Variants in SMARCA5 observed in about 807,000 individuals in gnomAD.
The protein encoded by SMARCA5 is SNF2 related chromatin remodeling ATPase 5, also known as SWI/SNF-related matrix-associated actin-dependent regulator of chromatin subfamily A member 5.
A neutral mutation model predicts 140.4 loss-of-function variants in SMARCA5; 18 were observed. The ratio of observed to expected loss-of-function variants is 0.13; its 90% CI spans 0.09 to 0.19. The LOEUF (loss-of-function observed/expected upper bound fraction) is 0.19. SMARCA5 is among the 10% of genes least tolerant of loss of function. The pLI is 1.00. For missense variants in SMARCA5, 606 were observed against 1,276.8 expected (o/e 0.47, Z 8.01); for synonymous variants, 449 against 419.6 (o/e 1.07, Z -0.86).
chr4:143,525,981 AATTG>A (rs1255269405), intron 5 of SMARCA5, among the ~76,000 whole-genome samples: 6 of 152,208 alleles, frequency 3.9e-5, no homozygotes, highest in Non-Finnish European at 5.9e-5. Flanking sequence ...TAAAACGTTT[AATTG>A]GTTGGAGAAA....
intron 1 of SMARCA5, 91 bp from the exon 2 acceptor site, chr4:143,517,264 A>G: frequency 1.2e-6 from 1 of 825,102 alleles, no homozygotes; most frequent in South Asian, 1.8e-5. Flanking sequence ...AGAATGTATT[A>G]TTTAAGATGT....
At position 143,548,605 on chromosome 4, in the gene SMARCA5, TCTGA is replaced by T. The variant is rs1243536565; in HGVS notation, c.2985+468_2985+471del. Among the ~76,000 whole-genome samples, 9 of 152,216 alleles carry T rather than the reference TCTGA, an allele frequency of 5.9e-5. No individual in the cohort carries two copies. In the East Asian group the frequency reaches 1.2e-3, roughly 20 times the overall value. On this transcript the variant is annotated intron_variant, in intron 22 of 23. Coordinates refer to ENST00000283131, the MANE Select transcript of SMARCA5 (RefSeq NM_003601.4). The stretch of plus-strand genomic sequence containing the variant: ...CTAGGTTTTGTTTTTATTCCCAATA[TCTGA>T]CTAACAGTTTCTGACCAAATAGCCC...
chr4:143,541,118 A>T (rs1737417862), intron 14 of SMARCA5, among the ~76,000 whole-genome samples: 1 of 152,130 alleles, frequency 6.6e-6, no homozygotes, highest in African/African-American at 2.4e-5. Context: ...TTTATTTTGG[A>T]TCAATTGAAG....
At position 143,557,180 on chromosome 4, in the gene SMARCA5, G is replaced by GC. The variant is rs1367084722; in HGVS notation, c.*3996_*3997insC. On this transcript the variant is annotated 3_prime_UTR_variant, in exon 24 of 24. Coordinates refer to ENST00000283131, the MANE Select transcript of SMARCA5 (RefSeq NM_003601.4). ...CCTTTAACTCTACAGCATACAAGGT[G>GC]TGTGGCTCTTATCTCTAGGACACCA... 2 of 152,184 alleles carry GC rather than the reference G, an allele frequency of 1.3e-5. No individual in the cohort carries two copies. The highest frequency in any genetic ancestry group is 2.9e-5 in the Non-Finnish European group (2 of 68,038). 9.4% of individuals were successfully genotyped at this position (152,184 alleles called of 1,614,324 possible).
chr4:143,528,387 G>A (rs921138916), intron 7 of SMARCA5, among the ~76,000 whole-genome samples, 196 bp from the exon 8 acceptor site: 1 of 152,136 alleles, frequency 6.6e-6, no homozygotes, highest in East Asian at 1.9e-4. Context: ...ATGGCTTCCA[G>A]CTTCATCCAT....
intron 23 of SMARCA5, among the ~76,000 whole-genome samples, chr4:143,551,185 T>A (rs1259099249): frequency 1.3e-5 from 2 of 152,126 alleles, no homozygotes; most frequent in Admixed American, 1.3e-4. Flanking sequence ...TTTAATATGC[T>A]TGTTTGCCAT....
intron 2 of SMARCA5, among the ~76,000 whole-genome samples, chr4:143,521,105 A>G (rs573687793): frequency 2.0e-5 from 3 of 152,272 alleles, no homozygotes; most frequent in Admixed American, 2.0e-4. Context: ...TACCATCACA[A>G]TCATGATGCA....
In SMARCA5 at chr4:143,546,015, G is replaced by C; in HGVS notation, c.2488G>C (p.Glu830Gln). 6.2e-7 allele frequency: 1 copy of C among 1,605,814 alleles called. No homozygotes were observed. The highest frequency in any genetic ancestry group is 8.5e-7 in the Non-Finnish European group (1 of 1,176,988). ...IDEAESLNDE[E>Q]LEEKEKLLTQ... ...TGAAGCTGAATCCCTTAATGATGAA[G>C]AGTTAGAGGAAAAAGAGAAGCTTCT... The change falls in exon 19 of 24, where the codon GAG (glutamate) becomes CAG (glutamine). Residue 830 changes from glutamate (E) to glutamine (Q), a missense_variant. Physicochemically the swap from Glu to Gln is conservative, Grantham distance 29. This residue lies in a region of SMARCA5 where 121 missense variants were observed against 227.1 expected (regional missense o/e 0.53). Coordinates refer to ENST00000283131, the MANE Select transcript of SMARCA5 (RefSeq NM_003601.4).
rs1254470910 is a variant in SMARCA5 at position 143,553,358 on chromosome 4, G to A, written c.*174G>A. On this transcript the variant is annotated 3_prime_UTR_variant, in exon 24 of 24. Transcript: ENST00000283131. ...TTTCACTTTTTTAAATGCAACAGCTGTGCTGAAATTTTTTTATCATTAACA... is the reference window on the plus strand; with the variant it reads ...TTTCACTTTTTTAAATGCAACAGCTATGCTGAAATTTTTTTATCATTAACA... The A allele has an allele frequency of 2.2e-5, 11 of 496,042 alleles. No individual in the cohort carries two copies. Among genetic ancestry groups the A allele is most frequent in the Non-Finnish European group, 4.0e-5 (11 of 276,060 alleles). The allele number at this position is 496,042 out of a possible 1,614,324, so 30.7% of individuals were successfully genotyped here.
intron 1 of SMARCA5, 70 bp downstream of exon 1, chr4:143,514,171 G>A: frequency 7.2e-7 from 1 of 1,389,868 alleles, no homozygotes. Context: ...GCCGGATCGT[G>A]GCGATCGGAC....
chr4:143,514,195 T>C, intron 1 of SMARCA5, 94 bp downstream of exon 1: 1 of 1,176,550 alleles, frequency 8.5e-7, no homozygotes, highest in Non-Finnish European at 1.2e-6. Flanking sequence ...GAGCCGGGTT[T>C]CTCTCTCTGC....
At chr4:143,543,805 A>G in intron 15 of SMARCA5, 48 bp from the exon 16 acceptor site, 2 of 1,572,014 alleles carry the variant, frequency 1.3e-6, no homozygotes, top group Admixed American at 2.0e-5. Context: ...TGCAGTTTTC[A>G]TGCTTTCTTT....
Position 143,555,483 on chromosome 4 carries a change from G to A in SMARCA5, c.*2299G>A, listed in dbSNP as rs1737728354. The A allele has an allele frequency of 2.0e-6, 1 of 501,988 alleles. No homozygotes were observed. Among genetic ancestry groups the A allele is most frequent in the African/African-American group, 1.9e-5 (1 of 51,504 alleles). The allele number at this position is 501,988 out of a possible 1,614,324, so 31.1% of individuals were successfully genotyped here. A position where few individuals can be genotyped will look rare whatever the true frequency, so the allele number is the denominator to read the frequency against. ...TGGAAAGTAAAGCATTCCAACACAG[G>A]GTTTCAGTGTAGATTGTTTTGTTTT... On this transcript the variant is annotated 3_prime_UTR_variant, in exon 24 of 24. Coordinates refer to ENST00000283131, the MANE Select transcript of SMARCA5 (RefSeq NM_003601.4).
In SMARCA5 at chr4:143,536,535, T is replaced by C; in HGVS notation, c.1352T>C (p.Met451Thr). ...MDKMRLLNILMQLRKCCNHPY... is the reference protein window; with the variant it reads ...MDKMRLLNILTQLRKCCNHPY... ...AAAATGAGGTTATTGAACATCCTAA[T>C]GCAGTTGAGAAAATGTTGTAATCAT... The change falls in exon 11 of 24, where the codon ATG (methionine) becomes ACG (threonine). Residue 451 changes from methionine (M) to threonine (T), a missense_variant. Physicochemically the swap from Met to Thr is moderately conservative, Grantham distance 81. This residue lies in a region of SMARCA5 where 25 missense variants were observed against 108.7 expected (regional missense o/e 0.23). Coordinates refer to ENST00000283131, the MANE Select transcript of SMARCA5 (RefSeq NM_003601.4). 6.2e-7 allele frequency: 1 copy of C among 1,613,928 alleles called. No homozygotes were observed. The highest frequency in any genetic ancestry group is 8.5e-7 in the Non-Finnish European group (1 of 1,179,840).
intron 21 of SMARCA5, 132 bp downstream of exon 21, chr4:143,547,635 A>G: frequency 1.6e-6 from 1 of 616,950 alleles, no homozygotes; most frequent in South Asian, 2.2e-5. Flanking sequence ...GCATTCAAAC[A>G]TGGTATTGTC....
chr4:143,516,529 C>T (rs901397024), intron 1 of SMARCA5, among the ~76,000 whole-genome samples: 3 of 152,032 alleles, frequency 2.0e-5, no homozygotes, highest in Non-Finnish European at 4.4e-5. Context: ...ATATGTAGAC[C>T]AGAGATTTAT....
In SMARCA5 at chr4:143,556,722, T is replaced by C. The variant is rs1349558106; in HGVS notation, c.*3538T>C. 1 of 152,210 alleles carries C rather than the reference T, an allele frequency of 6.6e-6. No homozygotes were observed. Among genetic ancestry groups the C allele is most frequent in the East Asian group, 1.9e-4 (1 of 5,192 alleles). 9.4% of individuals were successfully genotyped at this position (152,210 alleles called of 1,614,324 possible). ...AGGGCATCCCTCAGATGACAGATAA[T>C]GGGCAAAATACATTCTTGGTGTGGA... On this transcript the variant is annotated 3_prime_UTR_variant, in exon 24 of 24. Transcript: ENST00000283131.
intron 1 of SMARCA5, among the ~76,000 whole-genome samples, chr4:143,515,223 G>A (rs1236530128): frequency 1.3e-5 from 2 of 152,172 alleles, no homozygotes; most frequent in Non-Finnish European, 2.9e-5. Context: ...TGGCACAGTA[G>A]TTATATTTGG....
intron 1 of SMARCA5, among the ~76,000 whole-genome samples, chr4:143,516,312 G>C (rs1368198053): frequency 6.6e-6 from 1 of 151,076 alleles, no homozygotes; most frequent in Admixed American, 6.6e-5. Context: ...TAGGTCAATG[G>C]AGCACTTGTT....
Sources: gnomAD v4.1 joint callset for allele counts (sites outside exome capture counted in the v4.1 genomes callset) on GRCh38, gnomAD v4.1.1 for gene constraint, gnomAD v4.1.1 regional missense constraint, MANE v1.5 for transcripts, NCBI Gene and HGNC (gene_info 2026-07-23, HGNC 2026-07-21) for gene names.